KANK1: variants seen among roughly 807,000 people sequenced by gnomAD.
The protein encoded by KANK1 is KN motif and ankyrin repeat domains 1, also known as KN motif and ankyrin repeat domain-containing protein 1.
In KANK1, 109 loss-of-function variants were observed where a neutral mutation model predicts 106.2. The observed-to-expected ratio is 1.03, with a 90% CI of 0.88 to 1.20. The LOEUF (loss-of-function observed/expected upper bound fraction) is 1.20, where lower values mean the gene tolerates loss of function less well. Ranked by LOEUF, KANK1 falls within the 50% of genes most tolerant of loss-of-function variation. The probability of loss-of-function intolerance (pLI) is 0.00; values close to 1 mark genes in which losing one functional copy is unlikely to be tolerated. For synonymous variants in KANK1, 873 were observed against 652.2 expected, an observed-to-expected ratio of 1.34 and a Z score of -5.16; for missense variants, 2,399 against 1,710.7, an observed-to-expected ratio of 1.40 and a Z score of -7.10.
chr9:735,736 A>G (rs1010841548), intron 7 of KANK1: 3 of 443,208 alleles, frequency 6.8e-6, no homozygotes, highest in East Asian at 7.1e-5. Context: ...GCTGACACCT[A>G]TGATCCCAAC....
At chr9:719,701 G>C (rs1000018872) in intron 3 of KANK1, among the ~76,000 whole-genome samples, 1 of 152,118 alleles carries the variant, frequency 6.6e-6, no homozygotes, top group African/African-American at 2.4e-5. Context: ...GAAGACTGGA[G>C]AATTGATCTC....
intron 1 of KANK1, among the ~76,000 whole-genome samples, chr9:584,300 A>G (rs940498371): frequency 6.6e-6 from 1 of 152,202 alleles, no homozygotes; most frequent in Non-Finnish European, 1.5e-5. Context: ...GCACTTACAC[A>G]TTTGTGTATT....
At chr9:517,891 C>T (rs1309714878) in intron 1 of KANK1, among the ~76,000 whole-genome samples, 1 of 151,274 alleles carries the variant, frequency 6.6e-6, no homozygotes, top group Non-Finnish European at 1.5e-5. Context: ...GAGTCCCCCA[C>T]CATGCCTCGC....
At chr9:607,188 T>C (rs1829418666) in intron 1 of KANK1, among the ~76,000 whole-genome samples, 1 of 151,746 alleles carries the variant, frequency 6.6e-6, no homozygotes, top group South Asian at 2.1e-4. Context: ...CAAAATCCAC[T>C]TGAAAGCAGA....
chr9:728,789 C>A (rs10815544), intron 3 of KANK1, among the ~76,000 whole-genome samples: 39,071 of 152,084 alleles, frequency 0.26, 5,989 homozygotes, highest in Non-Finnish European at 0.35. Context: ...CTGTTGATTG[C>A]AGGCCTTTAG....
intron 1 of KANK1, among the ~76,000 whole-genome samples, chr9:578,311 CTTTAT>C (rs541295917): frequency 2.0e-4 from 29 of 148,118 alleles, no homozygotes; most frequent in Non-Finnish European, 2.1e-4. Context: ...TCTTGAGTCT[CTTTAT>C]TTTATTTTTC....
At chr9:559,517 C>G (rs1049202259) in intron 1 of KANK1, among the ~76,000 whole-genome samples, 1 of 152,080 alleles carries the variant, frequency 6.6e-6, no homozygotes, top group African/African-American at 2.4e-5. Flanking sequence ...TCTTGGGACA[C>G]TTAAAAAAGT....
At chr9:665,314 T>C (rs1284701248) in intron 1 of KANK1, among the ~76,000 whole-genome samples, 1 of 152,242 alleles carries the variant, frequency 6.6e-6, no homozygotes, top group Non-Finnish European at 1.5e-5. Flanking sequence ...TAGATTTAAG[T>C]CTAAATCCAT....
intron 1 of KANK1, among the ~76,000 whole-genome samples, chr9:544,141 C>G (rs965654727): frequency 6.6e-6 from 1 of 152,142 alleles, no homozygotes; most frequent in Non-Finnish European, 1.5e-5. Context: ...CCACCTCAGC[C>G]TCCTGAGTAG....
chr9:502,267 G>A (rs909749540), upstream of KANK1, among the ~76,000 whole-genome samples: 1 of 152,110 alleles, frequency 6.6e-6, no homozygotes, highest in Middle Eastern at 3.2e-3. Flanking sequence ...GGTGATGGTT[G>A]TGTGACTTTG....
At chr9:512,377 A>T (rs1033858510) in intron 1 of KANK1, among the ~76,000 whole-genome samples, 2 of 152,050 alleles carry the variant, frequency 1.3e-5, no homozygotes, top group African/African-American at 2.4e-5. Context: ...AAGAAGACTG[A>T]AGGAGGTCTG....
chr9:672,648 A>T (rs920128935), intron 1 of KANK1, among the ~76,000 whole-genome samples: 7 of 152,084 alleles, frequency 4.6e-5, no homozygotes, highest in Non-Finnish European at 7.4e-5. Flanking sequence ...TTATCTAACT[A>T]CTTGTTTGCA....
chr9:521,691 C>G lies in KANK1; in HGVS notation c.-84+16937C>G, dbSNP rs764830429. 2.0e-5 allele frequency among the ~76,000 whole-genome samples: 3 copies of G among 151,006 alleles called. No homozygotes were observed. The South Asian group carries it at 6.3e-4, about 32-fold the overall frequency. On this transcript the variant is annotated intron_variant, in intron 1 of 11. Transcript: ENST00000382297. ...AAGCGATTCTCCTGCCTCAGCCTCC[C>G]GAGTAGCTGGGGATTACAGGTGTGC...
At chr9:608,799 A>G (rs1360495237) in intron 1 of KANK1, among the ~76,000 whole-genome samples, 1 of 152,184 alleles carries the variant, frequency 6.6e-6, no homozygotes, top group East Asian at 1.9e-4. Flanking sequence ...CCTCCACCCC[A>G]GTTGATGGTC....
intron 1 of KANK1, among the ~76,000 whole-genome samples, chr9:599,714 A>G (rs920014511): frequency 6.6e-6 from 1 of 151,826 alleles, no homozygotes; most frequent in Non-Finnish European, 1.5e-5. Flanking sequence ...GATTGAAAAT[A>G]GAGTACTTGA....
intron 1 of KANK1, among the ~76,000 whole-genome samples, chr9:548,735 T>A (rs1026541176): frequency 1.3e-5 from 2 of 152,212 alleles, no homozygotes; most frequent in Admixed American, 6.5e-5. Context: ...AAAATTTTTT[T>A]ATCAAGATTT....
intron 1 of KANK1, among the ~76,000 whole-genome samples, chr9:622,767 G>T (rs1833449400): frequency 6.6e-6 from 1 of 152,006 alleles, no homozygotes. Flanking sequence ...GCCAGGCGTG[G>T]TGGCAGCACC....
chr9:529,625 C>T (rs1195179123), intron 1 of KANK1, among the ~76,000 whole-genome samples: 1 of 152,076 alleles, frequency 6.6e-6, no homozygotes, highest in African/African-American at 2.4e-5. Context: ...TCAGACTGCT[C>T]CATGTGGAGG....
chr9:611,296 A>T (rs561673522), intron 1 of KANK1, among the ~76,000 whole-genome samples: 5 of 152,350 alleles, frequency 3.3e-5, no homozygotes, highest in Admixed American at 2.0e-4. Context: ...CCAAGAGCCC[A>T]GCCCACGGGG....
Sources: gnomAD v4.1 joint callset for allele counts (sites outside exome capture counted in the v4.1 genomes callset) on GRCh38, gnomAD v4.1.1 for gene constraint, MANE v1.5 for transcripts, NCBI Gene and HGNC (gene_info 2026-07-23, HGNC 2026-07-21) for gene names.